SLC10A1: variants seen among roughly 807,000 people sequenced by gnomAD.
The protein encoded by SLC10A1 is hepatic sodium/bile acid cotransporter.
SLC10A1 carries 36 observed loss-of-function variants against 20.5 expected under a neutral mutation model. The observed-to-expected ratio is 1.75, with a 90% CI of 1.34 to 2.32. SLC10A1 has a LOEUF of 2.32. SLC10A1 is among the 30% of genes most tolerant of loss of function. SLC10A1 has a pLI of 0.00. For synonymous variants in SLC10A1, 188 were observed against 163.6 expected (o/e 1.15, Z -1.14); for missense variants, 545 against 439.1 (o/e 1.24, Z -2.16).
chr14:69,795,055 C>T (rs1387442444), intron 1 of SLC10A1, among the ~76,000 whole-genome samples: 1 of 152,222 alleles, frequency 6.6e-6, no homozygotes, highest in African/African-American at 2.4e-5. Flanking sequence ...TCGCAGGCCC[C>T]TGACTTCTGC....
chr14:69,779,801 G>T (rs146304821), intron 2 of SLC10A1, among the ~76,000 whole-genome samples: 9 of 152,036 alleles, frequency 5.9e-5, no homozygotes, highest in Admixed American at 2.6e-4. Flanking sequence ...GAAGTGTTAC[G>T]TGAGGCTATT....
At chr14:69,789,352 A>G (rs1181976553) in intron 1 of SLC10A1, among the ~76,000 whole-genome samples, 2 of 152,256 alleles carry the variant, frequency 1.3e-5, no homozygotes, top group Non-Finnish European at 2.9e-5. Flanking sequence ...TATTATATCC[A>G]TACAATGGGA....
chr14:69,778,690 A>G (rs56063215), intron 3 of SLC10A1, among the ~76,000 whole-genome samples, 161 bp from the exon 4 acceptor site: 19,326 of 152,114 alleles, frequency 0.13, 1,674 homozygotes, highest in Admixed American at 0.2. Context: ...TGGTGTCTGG[A>G]TTTTTAACCC....
Position 69,779,221 on chromosome 14 carries a change from A to G in SLC10A1, c.707T>C (p.Leu236Pro), listed in dbSNP as rs759954170. ...SSLMPFIGFLLGYVLSALFCL... is the reference protein window; with the variant it reads ...SSLMPFIGFLPGYVLSALFCL... ...GAAGAGAGCAGAGAGAACATAACCC[A>G]GCAGAAAGCCAATAAAAGGCATCAG... Residue 236 changes from leucine to proline, a missense_variant, in exon 3 of 5, where the codon CTG becomes CCG. Leu to Pro is a moderately conservative substitution (Grantham distance 98, BLOSUM62 -3). Transcript: ENST00000216540. 6.2e-7 allele frequency: 1 copy of G among 1,613,262 alleles called. No homozygotes were observed. The highest frequency in any genetic ancestry group is 1.1e-5 in the South Asian group (1 of 90,988).
chr14:69,776,467 A>T (rs1594759300), intron 4 of SLC10A1, 79 bp from the exon 5 acceptor site: 1 of 1,124,936 alleles, frequency 8.9e-7, no homozygotes, highest in African/African-American at 1.5e-5. Context: ...TCTGGAAAGT[A>T]CAAAAATACC....
At chr14:69,787,063 C>T (rs752675120) in intron 1 of SLC10A1, among the ~76,000 whole-genome samples, 1 of 152,002 alleles carries the variant, frequency 6.6e-6, no homozygotes, top group Middle Eastern at 3.2e-3. Flanking sequence ...TAATAGATAC[C>T]CATGTTGAGT....
chr14:69,776,280 G>A lies in SLC10A1; in HGVS notation c.*2C>T, dbSNP rs746915522. The A allele has an allele frequency of 6.2e-6, 10 of 1,611,044 alleles. 1 individual carries two copies. In the South Asian group the frequency reaches 1.1e-4, roughly 18 times the overall value. On this transcript the variant is annotated 3_prime_UTR_variant, in exon 5 of 5. Transcript: ENST00000216540. ...CCAGAATCCAGGCCACCAGGGGAAG[G>A]GCTAGGCTGTGCAAGGGGAGCAGTC... is the stretch of plus-strand genomic sequence containing the variant.
chr14:69,785,041 T>G (rs1016250464), intron 2 of SLC10A1, among the ~76,000 whole-genome samples: 22 of 152,166 alleles, frequency 1.4e-4, no homozygotes, highest in African/African-American at 5.3e-4. Context: ...CAGCACGCCT[T>G]GCAGACCAGG....
chr14:69,778,770 G>A (rs892815331), intron 3 of SLC10A1, among the ~76,000 whole-genome samples: 2 of 152,070 alleles, frequency 1.3e-5, no homozygotes, highest in African/African-American at 4.8e-5. Flanking sequence ...TGAACATATT[G>A]CCAGGAAAGT....
At chr14:69,786,408 A>T in intron 1 of SLC10A1, 101 bp from the exon 2 acceptor site, 1 of 868,304 alleles carries the variant, frequency 1.2e-6, no homozygotes, top group South Asian at 1.5e-5. Context: ...TGCTTGACAT[A>T]TGTGGCTTCA....
chr14:69,785,591 C>CTTTTTTT (rs541758842), intron 2 of SLC10A1, among the ~76,000 whole-genome samples: 6 of 130,518 alleles, frequency 4.6e-5, no homozygotes, highest in Non-Finnish European at 8.3e-5. Flanking sequence ...TCTTTCTTTT[C>CTTTTTTT]TTTTTTTTTT....
At position 69,780,104 on chromosome 14, in the gene SLC10A1, T is replaced by C. The variant is rs1883555212; in HGVS notation, c.568-744A>G. Among the ~76,000 whole-genome samples, 5 of 152,352 alleles carry C rather than the reference T, an allele frequency of 3.3e-5. No individual in the cohort carries two copies. In the South Asian group the frequency reaches 1.0e-3, roughly 32 times the overall value. On this transcript the variant is annotated intron_variant, in intron 2 of 4. Coordinates refer to ENST00000216540, the MANE Select transcript of SLC10A1 (RefSeq NM_003049.4). ...TAATAATAAGGGGACAAACCTACTT[T>C]CTTGAGTGACCTGCAAATTGAATAT...
At chr14:69,791,361 T>G (rs961089303) in intron 1 of SLC10A1, among the ~76,000 whole-genome samples, 1 of 151,652 alleles carries the variant, frequency 6.6e-6, no homozygotes, top group Non-Finnish European at 1.5e-5. Context: ...AGTGCAGTGG[T>G]GTGATCTTGG....
chr14:69,779,156 T>A (rs376559150), intron 3 of SLC10A1, 26 bp downstream of exon 3: 68 of 1,546,068 alleles, frequency 4.4e-5, no homozygotes, highest in Non-Finnish European at 5.6e-5. Context: ...GTGAGACCCT[T>A]TCTTAAAAAA....
rs763393936 is a variant in SLC10A1 at position 69,776,255 on chromosome 14, C to T, written c.*27G>A. 2 of 1,571,932 alleles carry T rather than the reference C, an allele frequency of 1.3e-6. No homozygotes were observed. The highest frequency in any genetic ancestry group is 2.7e-5 in the African/African-American group (2 of 73,744). The stretch of plus-strand genomic sequence containing the variant: ...ACTGGCTTTCAGAATTGCTTTGGGA[C>T]CAGAATCCAGGCCACCAGGGGAAGG... On this transcript the variant is annotated 3_prime_UTR_variant, in exon 5 of 5. Coordinates refer to ENST00000216540, the MANE Select transcript of SLC10A1 (RefSeq NM_003049.4).
intron 3 of SLC10A1, 95 bp downstream of exon 3, chr14:69,779,087 G>T: frequency 1.1e-6 from 1 of 907,444 alleles, no homozygotes; most frequent in Non-Finnish European, 1.6e-6. Flanking sequence ...GTTAAACCCT[G>T]GAGGTTGAGG....
chr14:69,788,921 TC>T (rs914288047), intron 1 of SLC10A1, among the ~76,000 whole-genome samples: 1 of 152,080 alleles, frequency 6.6e-6, no homozygotes. Flanking sequence ...TGAGATATTT[TC>T]CCAAAGAAGA....
intron 1 of SLC10A1, among the ~76,000 whole-genome samples, chr14:69,794,879 G>C (rs1882355443): frequency 5.3e-5 from 8 of 152,216 alleles, no homozygotes; most frequent in Admixed American, 5.2e-4. Flanking sequence ...CTCTGCCTGG[G>C]TGGGGCCTAG....
chr14:69,781,253 C>G (rs1883584350), intron 2 of SLC10A1, among the ~76,000 whole-genome samples: 2 of 152,222 alleles, frequency 1.3e-5, no homozygotes, highest in African/African-American at 4.8e-5. Flanking sequence ...TTTATCCTGT[C>G]TACAACCCCT....
Sources: allele counts gnomAD v4.1 joint callset (sites outside exome capture counted in the v4.1 genomes callset), GRCh38; gene constraint gnomAD v4.1.1; transcripts MANE v1.5; gene names NCBI Gene and HGNC (gene_info 2026-07-23, HGNC 2026-07-21).